Variants in SLC14A2 observed in about 807,000 individuals in gnomAD.
SLC14A2 encodes solute carrier family 14 member 2, also known as urea transporter 2.
Under a neutral mutation model 104.6 loss-of-function variants are expected in SLC14A2, and 91 were observed. The observed-to-expected ratio is 0.87, with a 90% CI of 0.73 to 1.04. The LOEUF (loss-of-function observed/expected upper bound fraction) is 1.04. Among genes scored for constraint, SLC14A2 ranks in the 50% least tolerant of loss-of-function variants. SLC14A2 has a pLI of 0.00. For synonymous variants in SLC14A2, 476 were observed against 466.4 expected (o/e 1.02, Z -0.27); for missense variants, 1,189 against 1,156.0 (o/e 1.03, Z -0.41).
chr18:45,475,642 G>GATATATAT (rs137928157), intron 1 of SLC14A2, among the ~76,000 whole-genome samples: 1 of 49,228 alleles, frequency 2.0e-5, no homozygotes, highest in Non-Finnish European at 3.9e-5. Flanking sequence ...ATATATTTAG[G>GATATATAT]ATATATATAT....
chr18:45,462,144 A>G (rs1031376464), intron 1 of SLC14A2, among the ~76,000 whole-genome samples: 3 of 152,228 alleles, frequency 2.0e-5, no homozygotes, highest in Non-Finnish European at 4.4e-5. Flanking sequence ...CATAGAAAAC[A>G]ACGTTTCTTT....
chr18:45,654,762 C>T (rs2045803192), intron 10 of SLC14A2, among the ~76,000 whole-genome samples: 1 of 152,134 alleles, frequency 6.6e-6, no homozygotes, highest in South Asian at 2.1e-4. Context: ...TGAGTACTTC[C>T]TGCTCACCTG....
At chr18:45,301,349 C>T (rs9963678) in intron 1 of SLC14A2, among the ~76,000 whole-genome samples, 42,069 of 152,084 alleles carry the variant, frequency 0.28, 5,875 homozygotes, top group South Asian at 0.3. Flanking sequence ...CCCACTGAGC[C>T]TCCACGCTGG....
chr18:45,537,763 C>A (rs891551792), intron 2 of SLC14A2, among the ~76,000 whole-genome samples: 5 of 152,256 alleles, frequency 3.3e-5, no homozygotes, highest in Middle Eastern at 3.4e-3. Flanking sequence ...TGGTAGCAAG[C>A]ATCCAGATAA....
chr18:45,490,817 G>A (rs1379868696), intron 2 of SLC14A2, among the ~76,000 whole-genome samples: 1 of 152,134 alleles, frequency 6.6e-6, no homozygotes, highest in Non-Finnish European at 1.5e-5. Flanking sequence ...AAATATTAAA[G>A]CAGGCAGTTC....
chr18:45,178,175 CACTT>C, the SLC14A2 span, among the ~76,000 whole-genome samples: 1 of 152,076 alleles, frequency 6.6e-6, no homozygotes, highest in East Asian at 1.9e-4. Flanking sequence ...ACACATAAAA[CACTT>C]AAAGCAATAG....
intron 1 of SLC14A2, among the ~76,000 whole-genome samples, chr18:45,278,777 A>G (rs969448979): frequency 3.9e-5 from 6 of 152,344 alleles, no homozygotes; most frequent in African/African-American, 1.2e-4. Context: ...GAACCTGCAC[A>G]GTTCAAACCC....
In SLC14A2 at chr18:45,285,795, G is replaced by A. The variant is rs564267704; in HGVS notation, c.-125+72604G>A. Among the ~76,000 whole-genome samples, 102 of 143,164 alleles carry A rather than the reference G, an allele frequency of 7.1e-4. 1 individual carries two copies. Among genetic ancestry groups the A allele is most frequent in the African/African-American group, 2.8e-3 (95 of 34,196 alleles). 93.9% of individuals were successfully genotyped at this position (143,164 alleles called of 152,430 possible). A position where few individuals can be genotyped will look rare whatever the true frequency, so the allele number is the denominator to read the frequency against. On this transcript the variant is annotated intron_variant, in intron 1 of 20. Transcript: ENST00000586448. ...TTTCATGCATGACATGTCTCAGGGC[G>A]AGGCCTGTGTGGTCTCCTCTTTGGG...
chr18:45,320,987 G>A (rs1354856171), intron 1 of SLC14A2, among the ~76,000 whole-genome samples: 1 of 152,144 alleles, frequency 6.6e-6, no homozygotes, highest in Admixed American at 6.5e-5. Flanking sequence ...GAAAATTCTG[G>A]GCAACAAGAC....
At chr18:45,245,589 A>G (rs1320416931) in intron 1 of SLC14A2, among the ~76,000 whole-genome samples, 1 of 152,222 alleles carries the variant, frequency 6.6e-6, no homozygotes, top group Admixed American at 6.5e-5. Flanking sequence ...ATTGCTGTGC[A>G]CACTCTGACT....
intron 1 of SLC14A2, among the ~76,000 whole-genome samples, chr18:45,278,901 G>A (rs1047335983): frequency 6.6e-6 from 1 of 152,206 alleles, no homozygotes; most frequent in Non-Finnish European, 1.5e-5. Flanking sequence ...CCACTGCACA[G>A]CCACTGTATG....
Position 45,678,956 on chromosome 18 carries a change from T to C in SLC14A2, c.2513-19T>C. ...AATAGTTACTGGTCTATTTCTTTCT[T>C]TTTTTTTTTTTTTTCTAGCACTGTT... is the stretch of plus-strand genomic sequence containing the variant. On this transcript the variant is annotated intron_variant, in intron 18 of 19. Coordinates refer to ENST00000255226, the MANE Select transcript of SLC14A2 (RefSeq NM_007163.4). The C allele has an allele frequency of 7.9e-7, 1 of 1,261,740 alleles. No individual in the cohort carries two copies. Among genetic ancestry groups the C allele is most frequent in the Non-Finnish European group, 1.1e-6 (1 of 941,128 alleles). The allele number at this position is 1,261,740 out of a possible 1,614,324, so 78.2% of individuals were successfully genotyped here. A position where few individuals can be genotyped will look rare whatever the true frequency, so the allele number is the denominator to read the frequency against.
intron 1 of SLC14A2, among the ~76,000 whole-genome samples, chr18:45,382,542 C>T (rs573132957): frequency 7.2e-5 from 11 of 152,312 alleles, no homozygotes; most frequent in African/African-American, 2.4e-4. Flanking sequence ...TAACTTTCTC[C>T]ACCCCACTTT....
At chr18:45,520,154 A>C (rs1471627872) in intron 2 of SLC14A2, among the ~76,000 whole-genome samples, 1 of 152,242 alleles carries the variant, frequency 6.6e-6, no homozygotes. Context: ...ATATTCTTGG[A>C]ATGAGTCATT....
chr18:45,665,234 G>A (rs2045997558), intron 11 of SLC14A2, among the ~76,000 whole-genome samples: 1 of 152,084 alleles, frequency 6.6e-6, no homozygotes, highest in Admixed American at 6.6e-5. Flanking sequence ...GGGGGAACAG[G>A]CAATTCAGTC....
At chr18:45,335,957 C>T (rs529548972) in intron 1 of SLC14A2, among the ~76,000 whole-genome samples, 4 of 152,124 alleles carry the variant, frequency 2.6e-5, no homozygotes, top group African/African-American at 7.2e-5. Context: ...GGGGCGATAA[C>T]GAGGAGAAAA....
the SLC14A2 span, among the ~76,000 whole-genome samples, chr18:45,199,790 C>G: frequency 1.3e-5 from 2 of 152,140 alleles, no homozygotes; most frequent in Non-Finnish European, 2.9e-5. Flanking sequence ...AAAAAGGTGG[C>G]AATTCCATTC....
At chr18:45,367,133 T>C (rs1442259872) in intron 1 of SLC14A2, among the ~76,000 whole-genome samples, 1 of 152,244 alleles carries the variant, frequency 6.6e-6, no homozygotes. Context: ...GTAGCTTTTG[T>C]ATTTTCAGTT....
chr18:45,657,504 G>A (rs1389223112), intron 10 of SLC14A2, among the ~76,000 whole-genome samples: 15 of 116,406 alleles, frequency 1.3e-4, no homozygotes, highest in African/African-American at 2.2e-4. Context: ...AAAAAAAAAA[G>A]AAAGGAAAGA....
Sources: allele counts gnomAD v4.1 joint callset (sites outside exome capture counted in the v4.1 genomes callset), GRCh38; gene constraint gnomAD v4.1.1; transcripts MANE v1.5; gene names NCBI Gene and HGNC (gene_info 2026-07-23, HGNC 2026-07-21).